Variants in PCDHA12 observed in about 807,000 individuals in gnomAD.
The protein encoded by PCDHA12 is protocadherin alpha 12.
In PCDHA12, 44 loss-of-function variants were observed where a neutral mutation model predicts 60.0. The ratio of observed to expected loss-of-function variants is 0.73; its 90% CI spans 0.58 to 0.94. PCDHA12 has a LOEUF of 0.94. Among genes scored for constraint, PCDHA12 ranks in the 40% least tolerant of loss-of-function variants. The probability of loss-of-function intolerance (pLI) is 0.00; values close to 1 mark genes in which losing one functional copy is unlikely to be tolerated. For missense variants in PCDHA12, 1,276 were observed against 1,239.7 expected (o/e 1.03, Z -0.44); for synonymous variants, 569 against 553.0 (o/e 1.03, Z -0.40).
chr5:140,923,209 G>C (rs1454479273), intron 1 of PCDHA12, among the ~76,000 whole-genome samples: 3 of 150,998 alleles, frequency 2.0e-5, no homozygotes, highest in Non-Finnish European at 4.4e-5. Flanking sequence ...GGAGGCTAAG[G>C]TGAAAGGATC....
Position 140,875,525 on chromosome 5 carries a change from T to C in PCDHA12, c.53T>C (p.Leu18Pro). The change falls in exon 1 of 4, where the codon CTT (leucine) becomes CCT (proline). Residue 18 changes from leucine to proline, a missense_variant. Coordinates refer to ENST00000398631, the MANE Select transcript of PCDHA12 (RefSeq NM_018903.4). ...GGATCCCAGCGTCTGCTGCTCTCGC[T>C]TCTGCTCCTTGCAGCCTGGGAGGTG... Reference protein sequence around the residue: ...GPGSQRLLLSLLLLAAWEVGS... With the variant: ...GPGSQRLLLSPLLLAAWEVGS... 6.2e-7 allele frequency: 1 copy of C among 1,614,132 alleles called. No homozygotes were observed. Among genetic ancestry groups the C allele is most frequent in the Non-Finnish European group, 8.5e-7 (1 of 1,179,988 alleles).
intron 1 of PCDHA12, among the ~76,000 whole-genome samples, chr5:140,902,579 A>G (rs2069572489): frequency 6.6e-6 from 1 of 152,078 alleles, no homozygotes. Flanking sequence ...TAAGATTTCA[A>G]TAGTTTTGGG....
At chr5:140,967,315 G>A (rs1554229427) in intron 1 of PCDHA12, 1 of 1,610,854 alleles carries the variant, frequency 6.2e-7, no homozygotes, top group African/African-American at 1.3e-5. Context: ...ACTCAGTACA[G>A]ACCTACGAGC....
intron 1 of PCDHA12, among the ~76,000 whole-genome samples, chr5:140,903,309 A>C (rs1435676177): frequency 6.6e-6 from 1 of 152,226 alleles, no homozygotes; most frequent in Non-Finnish European, 1.5e-5. Context: ...GTATACAATA[A>C]AGACAGCATT....
chr5:140,915,864 T>A (rs1170888594), intron 1 of PCDHA12, among the ~76,000 whole-genome samples: 1 of 152,166 alleles, frequency 6.6e-6, no homozygotes. Flanking sequence ...CAAGTTTGCA[T>A]CCTTCCCTTT....
At chr5:140,993,917 A>G (rs779939413) in intron 3 of PCDHA12, among the ~76,000 whole-genome samples, 1 of 152,190 alleles carries the variant, frequency 6.6e-6, no homozygotes, top group Admixed American at 6.5e-5. Flanking sequence ...CTAGTGATGC[A>G]TTTCTCAGAA....
intron 1 of PCDHA12, among the ~76,000 whole-genome samples, chr5:140,977,306 C>T (rs995052680): frequency 6.6e-6 from 1 of 152,150 alleles, no homozygotes; most frequent in African/African-American, 2.4e-5. Context: ...GACAAGCTAA[C>T]GATAGTGCTC....
At chr5:140,910,907 G>T (rs1554194477) in intron 1 of PCDHA12, among the ~76,000 whole-genome samples, 3 of 152,102 alleles carry the variant, frequency 2.0e-5, no homozygotes, top group Admixed American at 2.0e-4. Flanking sequence ...CTGTCCTCCA[G>T]ATTTTTGCTT....
intron 1 of PCDHA12, among the ~76,000 whole-genome samples, chr5:140,880,863 T>C (rs1312869588): frequency 6.6e-6 from 1 of 152,170 alleles, no homozygotes; most frequent in Non-Finnish European, 1.5e-5. Flanking sequence ...TCTAATTATG[T>C]GAAGAGGTAA....
At chr5:140,969,473 A>C (rs562575347) in intron 1 of PCDHA12, 2 of 1,478,208 alleles carry the variant, frequency 1.4e-6, no homozygotes, top group South Asian at 2.8e-5. Context: ...CCACAATTTG[A>C]TCATAATCTG....
chr5:140,879,078 A>G (rs1168166013), intron 1 of PCDHA12, among the ~76,000 whole-genome samples: 3 of 152,342 alleles, frequency 2.0e-5, no homozygotes, highest in African/African-American at 7.2e-5. Flanking sequence ...TAAGAGAGAT[A>G]AGTAGGAACA....
chr5:140,995,861 A>G (rs2097700846), intron 3 of PCDHA12, among the ~76,000 whole-genome samples: 1 of 152,220 alleles, frequency 6.6e-6, no homozygotes. Context: ...GTATCACTTA[A>G]TAATTGTGCA....
chr5:140,989,727 A>G (rs1203211477), intron 3 of PCDHA12, among the ~76,000 whole-genome samples: 2 of 152,308 alleles, frequency 1.3e-5, no homozygotes, highest in East Asian at 3.9e-4. Flanking sequence ...TTTGCAGTTG[A>G]AAAGGCCATT....
At chr5:140,884,104 G>A in intron 1 of PCDHA12, 3 of 1,613,464 alleles carry the variant, frequency 1.9e-6, no homozygotes, top group African/African-American at 1.3e-5. Flanking sequence ...ATGAATTGCA[G>A]CTGGCGGCGG....
In PCDHA12 at chr5:140,982,572, C is replaced by T; in HGVS notation, c.2515+9C>T. On this transcript the variant is annotated intron_variant, in intron 3 of 3. Coordinates refer to ENST00000398631, the MANE Select transcript of PCDHA12 (RefSeq NM_018903.4). ...ATCCAGTGCAACACCAGGTAAAGAG[C>T]TGGGGTCTCTCCATTCTTTCTTGGT... is the stretch of plus-strand genomic sequence containing the variant. 4 of 1,613,760 alleles carry T rather than the reference C, an allele frequency of 2.5e-6. No homozygotes were observed. Among genetic ancestry groups the T allele is most frequent in the Non-Finnish European group, 3.4e-6 (4 of 1,179,726 alleles).
chr5:140,943,346 G>C (rs2153662502), intron 1 of PCDHA12, among the ~76,000 whole-genome samples: 1 of 151,738 alleles, frequency 6.6e-6, no homozygotes, highest in East Asian at 1.9e-4. Context: ...GACAGGATGA[G>C]AGTAGAGGAA....
At chr5:140,901,502 T>G (rs782679945) in intron 1 of PCDHA12, among the ~76,000 whole-genome samples, 1 of 152,182 alleles carries the variant, frequency 6.6e-6, no homozygotes, top group Non-Finnish European at 1.5e-5. Context: ...CGAAAATGAG[T>G]TCATTATAGA....
chr5:140,886,463 GT>G (rs1387154249), intron 1 of PCDHA12, among the ~76,000 whole-genome samples: 5 of 152,042 alleles, frequency 3.3e-5, no homozygotes, highest in East Asian at 1.9e-4. Flanking sequence ...ATATATAAAT[GT>G]TTTTAAAATG....
intron 3 of PCDHA12, among the ~76,000 whole-genome samples, chr5:140,996,257 C>G (rs186736348): frequency 1.4e-4 from 22 of 152,342 alleles, no homozygotes; most frequent in African/African-American, 5.3e-4. Flanking sequence ...GACAGCAACA[C>G]AGAGCCTGGG....
Sources: gnomAD v4.1 joint callset for allele counts (sites outside exome capture counted in the v4.1 genomes callset) on GRCh38, gnomAD v4.1.1 for gene constraint, MANE v1.5 for transcripts, NCBI Gene and HGNC (gene_info 2026-07-23, HGNC 2026-07-21) for gene names.